The following ERCC8 variants were observed in gnomAD, a reference collection of about 807,000 sequenced individuals.
ERCC8 encodes ERCC excision repair 8, CSA ubiquitin ligase complex subunit.
A neutral mutation model predicts 54.9 loss-of-function variants in ERCC8; 52 were observed. The ratio of observed to expected loss-of-function variants is 0.95; its 90% CI spans 0.76 to 1.19. The LOEUF is 1.19. Among genes scored for constraint, ERCC8 ranks in the 50% most tolerant of loss-of-function variants. The pLI is 0.00. For synonymous variants in ERCC8, 146 were observed against 157.2 expected, an observed-to-expected ratio of 0.93 and a Z score of 0.53; for missense variants, 514 against 466.1, an observed-to-expected ratio of 1.10 and a Z score of -0.95.
chr5:60,888,611 G>A (rs1748463609), intron 10 of ERCC8, among the ~76,000 whole-genome samples: 1 of 152,186 alleles, frequency 6.6e-6, no homozygotes, highest in South Asian at 2.1e-4. Context: ...CACTTAGATA[G>A]AATGATTTAC....
At chr5:60,936,038 C>T (rs902377438) in intron 1 of ERCC8, among the ~76,000 whole-genome samples, 3 of 152,116 alleles carry the variant, frequency 2.0e-5, no homozygotes, top group South Asian at 4.1e-4. Context: ...ATGATATTGG[C>T]TTCACAGGAG....
intron 1 of ERCC8, among the ~76,000 whole-genome samples, chr5:60,929,631 A>T (rs1219589471): frequency 6.6e-6 from 1 of 152,164 alleles, no homozygotes; most frequent in Non-Finnish European, 1.5e-5. Context: ...TGTGTATTTA[A>T]ATAAAGCCAC....
rs766209592 is a variant in ERCC8 at position 60,918,296 on chromosome 5, G to A, written c.368C>T (p.Thr123Ile). 1 of 1,597,880 alleles carries A rather than the reference G, an allele frequency of 6.3e-7. No individual in the cohort carries two copies. Among genetic ancestry groups the A allele is most frequent in the South Asian group, 1.1e-5 (1 of 90,740 alleles). Residue 123 changes from threonine to isoleucine, a missense_variant, in exon 4 of 12, where the codon ACT becomes ATT. Physicochemically the swap from Thr to Ile is moderately conservative, Grantham distance 89. Coordinates refer to ENST00000676185, the MANE Select transcript of ERCC8 (RefSeq NM_000082.4). ...TGTATTTGTATCCCATACTTTCAGA[G>A]TTTTATCAAATGAGCTTGATGTGAA... ...GMFTSSSFDK[T>I]LKVWDTNTLQ...
intron 2 of ERCC8, chr5:60,924,493 A>G (rs1260344399): frequency 6.5e-6 from 1 of 154,536 alleles, no homozygotes; most frequent in Non-Finnish European, 1.5e-5. Context: ...AGCATCTTGG[A>G]TAAGAAGCTT....
Position 60,877,697 on chromosome 5 carries a change from CT to C in ERCC8, c.1123-3015del, listed in dbSNP as rs373924698. 6.2e-3 allele frequency among the ~76,000 whole-genome samples: 941 copies of C among 152,240 alleles called. 7 individuals carry two copies. Among genetic ancestry groups the C allele is most frequent in the Non-Finnish European group, 0.011 (740 of 68,016 alleles). On this transcript the variant is annotated intron_variant, in intron 11 of 11. Transcript: ENST00000676185. The stretch of plus-strand genomic sequence containing the variant: ...TGTCTGTTATTGGTGTATAAGAATG[CT>C]TGTGATTTTTGCACATTGATTTTGT...
Position 60,872,409 on chromosome 5 carries a change from G to A in ERCC8, c.*2206C>T, listed in dbSNP as rs1236739700. 6.6e-6 allele frequency among the ~76,000 whole-genome samples: 1 copy of A among 152,082 alleles called. No homozygotes were observed. Among genetic ancestry groups the A allele is most frequent in the East Asian group, 1.9e-4 (1 of 5,200 alleles). ...AAAAATATTAACTATAGATCTGATA[G>A]GGGGTTAATATCCAAAATACATAAG... On this transcript the variant is annotated 3_prime_UTR_variant, in exon 12 of 12. Coordinates refer to ENST00000676185, the MANE Select transcript of ERCC8 (RefSeq NM_000082.4).
chr5:60,884,553 A>G (rs1579989703), intron 11 of ERCC8, among the ~76,000 whole-genome samples: 2 of 137,202 alleles, frequency 1.5e-5, no homozygotes, highest in African/African-American at 5.5e-5. Flanking sequence ...CTAGTGTGGT[A>G]TACTGCCTCC....
At chr5:60,915,597 T>C (rs552989635) in intron 4 of ERCC8, among the ~76,000 whole-genome samples, 8 of 152,106 alleles carry the variant, frequency 5.3e-5, no homozygotes, top group African/African-American at 1.9e-4. Context: ...ACAGGCTGCA[T>C]TCCTTTTTGG....
At chr5:60,921,120 A>C (rs890697518) in intron 3 of ERCC8, among the ~76,000 whole-genome samples, 2 of 151,942 alleles carry the variant, frequency 1.3e-5, no homozygotes, top group African/African-American at 4.8e-5. Flanking sequence ...ATAGAAACGT[A>C]TAAGAACCAC....
At position 60,884,111 on chromosome 5, in the gene ERCC8, T is replaced by C. The variant is rs150243260; in HGVS notation, c.1122+3329A>G. Among the ~76,000 whole-genome samples the C allele has an allele frequency of 3.2e-3, 483 of 152,254 alleles. 14 individuals are homozygous for C. Among genetic ancestry groups the C allele is most frequent in the Admixed American group, 0.028 (427 of 15,292 alleles). ...TAGACAATTCTGATATTTGGAAATA[T>C]TATAAGCTTGTCCCAGATCATAAGT... On this transcript the variant is annotated intron_variant, in intron 11 of 11. Transcript: ENST00000676185.
rs1748779185 is a variant in ERCC8, at chr5:60,898,389, G to A, written c.730C>T (p.His244Tyr). The change falls in exon 9 of 12, where the codon CAT becomes TAT. Residue 244 changes from histidine to tyrosine, a missense_variant. By Grantham distance (83) the His-to-Tyr change is moderately conservative (BLOSUM62 2). Transcript: ENST00000676185. ...SQAVESANTA[H>Y]NGKVNGLCFT... ...CATAAGCCATTAACTTTCCCATTAT[G>A]AGCAGTGTTTGCTGCAATGAAAAAC... The A allele has an allele frequency of 1.2e-6, 2 of 1,613,390 alleles. No homozygotes were observed. The highest frequency in any genetic ancestry group is 1.7e-6 in the Non-Finnish European group (2 of 1,179,550).
At chr5:60,924,397 G>A (rs1397854435) in intron 2 of ERCC8, 1 of 154,436 alleles carries the variant, frequency 6.5e-6, no homozygotes, top group Non-Finnish European at 1.5e-5. Flanking sequence ...CTGAATTCTT[G>A]TGTTGTTGAC....
intron 4 of ERCC8, among the ~76,000 whole-genome samples, chr5:60,910,207 C>T (rs376619221): frequency 5.3e-5 from 8 of 152,100 alleles, no homozygotes; most frequent in Non-Finnish European, 8.8e-5. Flanking sequence ...ATGTCATCAA[C>T]GGGTACATTT....
chr5:60,893,785 A>G (rs1748641886), intron 9 of ERCC8: 1 of 283,862 alleles, frequency 3.5e-6, no homozygotes, highest in Non-Finnish European at 6.5e-6. Flanking sequence ...TTTATAGTTA[A>G]ACATTTTTTC....
intron 7 of ERCC8, chr5:60,900,769 A>G (rs1399028132): frequency 7.9e-5 from 12 of 152,062 alleles, no homozygotes; most frequent in Non-Finnish European, 4.4e-5. Flanking sequence ...ACTGATTACT[A>G]GGTCCATTGT....
At chr5:60,906,452 G>A (rs1251306400) in intron 4 of ERCC8, among the ~76,000 whole-genome samples, 1 of 152,004 alleles carries the variant, frequency 6.6e-6, no homozygotes, top group African/African-American at 2.4e-5. Context: ...TAAATGGCTG[G>A]GGGCAGTGGC....
chr5:60,876,069 C>A (rs1747996125), intron 11 of ERCC8, among the ~76,000 whole-genome samples: 1 of 152,032 alleles, frequency 6.6e-6, no homozygotes, highest in East Asian at 1.9e-4. Context: ...TGATGTTCCC[C>A]TTCCTGTGTC....
intron 4 of ERCC8, chr5:60,915,343 G>C (rs555801104): frequency 2.6e-5 from 4 of 152,104 alleles, no homozygotes; most frequent in South Asian, 2.1e-4. Flanking sequence ...TCCTCCTCTA[G>C]AGAAGATCCA....
At chr5:60,929,738 A>G (rs2112533427) in intron 1 of ERCC8, among the ~76,000 whole-genome samples, 1 of 152,344 alleles carries the variant, frequency 6.6e-6, no homozygotes, top group African/African-American at 2.4e-5. Context: ...TATCCTGGTG[A>G]GCATATTATT....
Sources: allele counts gnomAD v4.1 joint callset (sites outside exome capture counted in the v4.1 genomes callset), GRCh38; gene constraint gnomAD v4.1.1; transcripts MANE v1.5; gene names NCBI Gene and HGNC (gene_info 2026-07-23, HGNC 2026-07-21).